INSL6: variants seen among roughly 807,000 people sequenced by gnomAD.
INSL6 encodes insulin like 6.
A neutral mutation model predicts 9.4 loss-of-function variants in INSL6; 16 were observed. That is an observed-to-expected ratio of 1.70 (90% confidence interval 1.15 to 2.59). The LOEUF (loss-of-function observed/expected upper bound fraction) is 2.59. INSL6 is among the 30% of genes most tolerant of loss of function. INSL6 has a pLI of 0.00. For missense variants in INSL6, 391 were observed against 257.3 expected, an observed-to-expected ratio of 1.52 and a Z score of -3.56; for synonymous variants, 154 against 96.9, an observed-to-expected ratio of 1.59 and a Z score of -3.46.
chr9:5,047,158 T>C, the INSL6 span, among the ~76,000 whole-genome samples: 1 of 152,216 alleles, frequency 6.6e-6, no homozygotes, highest in Admixed American at 6.5e-5. Context: ...GAAAATATGA[T>C]AGTATTTAGA....
At chr9:5,081,984 T>G in the INSL6 span, 1 of 775,020 alleles carries the variant, frequency 1.3e-6, no homozygotes, top group Non-Finnish European at 2.1e-6. Context: ...AAAGGTTTGG[T>G]TGTCAGATGT....
At chr9:5,024,365 G>C in the INSL6 span, among the ~76,000 whole-genome samples, 2 of 152,094 alleles carry the variant, frequency 1.3e-5, no homozygotes, top group Non-Finnish European at 2.9e-5. Context: ...AGGGCCAAAA[G>C]AAAATAATAG....
chr9:5,093,947 C>G, the INSL6 span, among the ~76,000 whole-genome samples: 3 of 152,090 alleles, frequency 2.0e-5, no homozygotes, highest in African/African-American at 7.2e-5. Context: ...ATACGGCCCA[C>G]TTCATAAAGT....
chr9:5,055,705 G>A, the INSL6 span: 1 of 1,585,456 alleles, frequency 6.3e-7, no homozygotes, highest in Non-Finnish European at 8.7e-7. Context: ...TAATATTATT[G>A]ATGTCAGTAT....
At chr9:5,106,746 G>A in the INSL6 span, among the ~76,000 whole-genome samples, 1 of 152,156 alleles carries the variant, frequency 6.6e-6, no homozygotes, top group East Asian at 1.9e-4. Flanking sequence ...CATGTCCTTT[G>A]CAGGGACATG....
chr9:5,147,850 T>A (rs1189075174), intron 2 of INSL6, among the ~76,000 whole-genome samples: 1 of 152,236 alleles, frequency 6.6e-6, no homozygotes, highest in Non-Finnish European at 1.5e-5. Context: ...TACTTCTGAT[T>A]GTATTATGAA....
the INSL6 span, among the ~76,000 whole-genome samples, chr9:4,994,641 C>A: frequency 1.3e-5 from 2 of 152,172 alleles, no homozygotes; most frequent in Non-Finnish European, 2.9e-5. Context: ...ATAGACAATA[C>A]GTAAATGAAC....
chr9:5,116,332 C>T, the INSL6 span, among the ~76,000 whole-genome samples: 2 of 152,046 alleles, frequency 1.3e-5, no homozygotes, highest in African/African-American at 4.8e-5. Flanking sequence ...TAATTGTTCT[C>T]TAATTTGGGT....
the INSL6 span, chr9:5,114,104 C>T: frequency 2.8e-6 from 1 of 358,136 alleles, no homozygotes; most frequent in Non-Finnish European, 5.6e-6. Flanking sequence ...TGCCCGACCA[C>T]ACCTACACCT....
chr9:5,076,557 A>G, the INSL6 span, among the ~76,000 whole-genome samples: 1 of 152,168 alleles, frequency 6.6e-6, no homozygotes, highest in African/African-American at 2.4e-5. Context: ...GCTGTTGCAC[A>G]CTAAATAGAC....
chr9:5,103,847 T>TA, the INSL6 span, among the ~76,000 whole-genome samples: 1 of 152,140 alleles, frequency 6.6e-6, no homozygotes, highest in Non-Finnish European at 1.5e-5. Context: ...AAGACAGATA[T>TA]AAAGATGTTC....
intron 2 of INSL6, among the ~76,000 whole-genome samples, chr9:5,157,055 T>C (rs912386476): frequency 6.6e-6 from 1 of 152,134 alleles, no homozygotes; most frequent in African/African-American, 2.4e-5. Flanking sequence ...GAGGTACATT[T>C]AACAACATAT....
At chr9:5,069,813 G>A in the INSL6 span, 2 of 514,192 alleles carry the variant, frequency 3.9e-6, no homozygotes, top group Non-Finnish European at 6.4e-6. Flanking sequence ...AGAACAATTA[G>A]GAGTTATTAA....
intron 2 of INSL6, among the ~76,000 whole-genome samples, chr9:5,140,495 T>A (rs185927826): frequency 4.3e-4 from 65 of 152,280 alleles, no homozygotes; most frequent in African/African-American, 1.5e-3. Flanking sequence ...GTGATTATTA[T>A]GATAACCTTC....
At chr9:5,150,496 G>A (rs1824688289) in intron 2 of INSL6, among the ~76,000 whole-genome samples, 1 of 152,136 alleles carries the variant, frequency 6.6e-6, no homozygotes, top group Non-Finnish European at 1.5e-5. Context: ...CTGATGTTCA[G>A]AGAAAAACAA....
At chr9:5,041,164 T>C in the INSL6 span, 1 of 1,219,318 alleles carries the variant, frequency 8.2e-7, no homozygotes, top group Non-Finnish European at 1.2e-6. Flanking sequence ...GCATGGATTA[T>C]GTGCACACCA....
chr9:5,088,627 A>G, the INSL6 span, among the ~76,000 whole-genome samples: 2 of 152,176 alleles, frequency 1.3e-5, no homozygotes, highest in Non-Finnish European at 2.9e-5. Flanking sequence ...AATACCATAG[A>G]CTGGGTAGCT....
At position 5,132,587 on chromosome 9, in the gene INSL6, C is replaced by T. The variant is rs533890549; in HGVS notation, c.*10+838G>A. ...AAAAGACTATCCATATTGCATACCA[C>T]TTCAGACTTTTCTACATAGACATTC... is the stretch of plus-strand genomic sequence containing the variant. On this transcript the variant is annotated intron_variant, in intron 3 of 3. Transcript: ENST00000649639. Among the ~76,000 whole-genome samples, 6 of 152,002 alleles carry T rather than the reference C, an allele frequency of 3.9e-5. No individual in the cohort carries two copies. In the East Asian group the frequency reaches 9.7e-4, roughly 24 times the overall value.
chr9:5,129,166 G>A (rs1375700151), intron 3 of INSL6, among the ~76,000 whole-genome samples: 1 of 152,030 alleles, frequency 6.6e-6, no homozygotes, highest in African/African-American at 2.4e-5. Context: ...AATACCTACA[G>A]TTCTGTATCT....
Sources: allele counts gnomAD v4.1 joint callset (sites outside exome capture counted in the v4.1 genomes callset), GRCh38; gene constraint gnomAD v4.1.1; transcripts MANE v1.5; gene names NCBI Gene and HGNC (gene_info 2026-07-23, HGNC 2026-07-21).